Variants in GABRG3 observed in about 807,000 individuals in gnomAD.
GABRG3 encodes the protein gamma-aminobutyric acid receptor subunit gamma-3.
GABRG3 carries 25 observed loss-of-function variants against 48.8 expected under a neutral mutation model. The ratio of observed to expected loss-of-function variants is 0.51; its 90% CI spans 0.37 to 0.72. The LOEUF is 0.72. GABRG3 is among the 30% of genes least tolerant of loss of function. The pLI is 0.00. For synonymous variants in GABRG3, 227 were observed against 217.6 expected, an observed-to-expected ratio of 1.04 and a Z score of -0.38; for missense variants, 394 against 577.9, an observed-to-expected ratio of 0.68 and a Z score of 3.26.
chr15:27,182,295 A>C (rs1334580636), intron 3 of GABRG3, among the ~76,000 whole-genome samples: 1 of 151,910 alleles, frequency 6.6e-6, no homozygotes, highest in Non-Finnish European at 1.5e-5. Flanking sequence ...ACTCTTACTC[A>C]CTCGTCGTGT....
At chr15:27,130,677 G>A (rs1233066889) in intron 3 of GABRG3, among the ~76,000 whole-genome samples, 1 of 152,018 alleles carries the variant, frequency 6.6e-6, no homozygotes, top group African/African-American at 2.4e-5. Flanking sequence ...TGTAAACACA[G>A]AATCTTTCCA....
chr15:27,284,676 A>G lies in GABRG3; in HGVS notation c.271-42133A>G, dbSNP rs558709434. ...AGAGTCCAGATAAGCAAGATTTGAC[A>G]AGAGTTTCCATGGAGACAGAACATA... is the stretch of plus-strand genomic sequence containing the variant. On this transcript the variant is annotated intron_variant, in intron 3 of 9. Coordinates refer to ENST00000615808, the MANE Select transcript of GABRG3 (RefSeq NM_033223.5). Among the ~76,000 whole-genome samples the G allele has an allele frequency of 2.0e-5, 3 of 152,322 alleles. No individual in the cohort carries two copies. The South Asian group carries it at 6.2e-4, about 32-fold the overall frequency.
At chr15:27,366,836 CCACCTTGA>C (rs1895219319) in intron 5 of GABRG3, among the ~76,000 whole-genome samples, 1 of 152,166 alleles carries the variant, frequency 6.6e-6, no homozygotes, top group African/African-American at 2.4e-5. Context: ...GTCCCCCTGC[CCACCTTGA>C]CCCTGACCTG....
intron 3 of GABRG3, among the ~76,000 whole-genome samples, chr15:27,199,441 G>T (rs765245624): frequency 6.6e-6 from 1 of 152,170 alleles, no homozygotes; most frequent in Non-Finnish European, 1.5e-5. Context: ...ATCCACTGGT[G>T]TAGTTTGGAT....
At chr15:27,025,593 T>C (rs1895970542) in intron 2 of GABRG3, among the ~76,000 whole-genome samples, 1 of 152,200 alleles carries the variant, frequency 6.6e-6, no homozygotes, top group African/African-American at 2.4e-5. Flanking sequence ...GTCATTATCA[T>C]TGTTTTCATT....
chr15:27,015,322 G>T (rs1895758470), intron 2 of GABRG3, among the ~76,000 whole-genome samples: 1 of 151,118 alleles, frequency 6.6e-6, no homozygotes, highest in Admixed American at 6.6e-5. Context: ...TTTTTTTCTG[G>T]ATGTATTATA....
At chr15:27,063,553 T>C (rs774753764) in intron 3 of GABRG3, among the ~76,000 whole-genome samples, 8 of 152,210 alleles carry the variant, frequency 5.3e-5, no homozygotes, top group Non-Finnish European at 7.3e-5. Flanking sequence ...GTGATGCGCC[T>C]TCTGCCCGTG....
chr15:27,526,549 T>A (rs1250498466), intron 7 of GABRG3, among the ~76,000 whole-genome samples: 1 of 152,164 alleles, frequency 6.6e-6, no homozygotes, highest in Non-Finnish European at 1.5e-5. Context: ...TCTTAGCCTG[T>A]TTCACATGAT....
intron 3 of GABRG3, among the ~76,000 whole-genome samples, chr15:27,165,630 G>A (rs187391142): frequency 6.6e-5 from 10 of 151,984 alleles, no homozygotes; most frequent in Non-Finnish European, 1.5e-4. Flanking sequence ...GTGTGCTCTA[G>A]CATTCTGTCT....
chr15:27,316,793 T>C (rs1337876593), intron 3 of GABRG3, among the ~76,000 whole-genome samples: 1 of 152,170 alleles, frequency 6.6e-6, no homozygotes, highest in Non-Finnish European at 1.5e-5. Context: ...TAATCTCCCT[T>C]AGTTTATGTG....
At chr15:27,019,368 C>T (rs1047718850) in intron 2 of GABRG3, among the ~76,000 whole-genome samples, 1 of 152,120 alleles carries the variant, frequency 6.6e-6, no homozygotes, top group African/African-American at 2.4e-5. Context: ...CCGCGCCCAG[C>T]CTAGAGTCTC....
intron 5 of GABRG3, among the ~76,000 whole-genome samples, chr15:27,369,715 G>A (rs970363942): frequency 1.3e-5 from 2 of 149,336 alleles, no homozygotes; most frequent in South Asian, 2.1e-4. Context: ...GCTGAGGCAG[G>A]AGAATGGCGT....
At chr15:27,019,131 C>T (rs1192982880) in intron 2 of GABRG3, among the ~76,000 whole-genome samples, 4 of 120,028 alleles carry the variant, frequency 3.3e-5, no homozygotes, top group South Asian at 3.0e-4. Flanking sequence ...TGCTGTGGTG[C>T]GATCTGGGCT....
intron 3 of GABRG3, among the ~76,000 whole-genome samples, chr15:27,295,763 A>G (rs1229420692): frequency 6.6e-6 from 1 of 152,176 alleles, no homozygotes; most frequent in African/African-American, 2.4e-5. Flanking sequence ...TAACTCTCAG[A>G]GTCTACAGCC....
chr15:27,267,102 CTTTTT>C (rs57772496), intron 3 of GABRG3, among the ~76,000 whole-genome samples: 2 of 112,832 alleles, frequency 1.8e-5, no homozygotes, highest in Non-Finnish European at 1.8e-5. Flanking sequence ...TAGTCTTTTA[CTTTTT>C]TTTTTTTTTT....
chr15:27,232,726 T>C (rs1302797378), intron 3 of GABRG3, among the ~76,000 whole-genome samples: 1 of 152,234 alleles, frequency 6.6e-6, no homozygotes, highest in African/African-American at 2.4e-5. Context: ...TTGATGAATA[T>C]GTTTGGAGCC....
At chr15:27,133,895 G>A (rs1897963469) in intron 3 of GABRG3, among the ~76,000 whole-genome samples, 1 of 152,164 alleles carries the variant, frequency 6.6e-6, no homozygotes, top group Admixed American at 6.5e-5. Flanking sequence ...ACTTTAGTGG[G>A]TAAAACAGTT....
chr15:27,229,456 TGTG>T (rs763692441), intron 3 of GABRG3, among the ~76,000 whole-genome samples: 1 of 146,510 alleles, frequency 6.8e-6, no homozygotes, highest in African/African-American at 2.5e-5. Flanking sequence ...AGGTTTTTTG[TGTG>T]TGTGTGTGTG....
At chr15:27,054,488 C>G (rs1015677731) in intron 3 of GABRG3, among the ~76,000 whole-genome samples, 2 of 152,168 alleles carry the variant, frequency 1.3e-5, no homozygotes, top group African/African-American at 4.8e-5. Flanking sequence ...CAAAGAATTT[C>G]CTCCAAAACA....
Sources: allele counts gnomAD v4.1 joint callset (sites outside exome capture counted in the v4.1 genomes callset), GRCh38; gene constraint gnomAD v4.1.1; transcripts MANE v1.5; gene names NCBI Gene and HGNC (gene_info 2026-07-23, HGNC 2026-07-21).